ZEB2: variants seen among roughly 807,000 people sequenced by gnomAD.
ZEB2 encodes zinc finger E-box-binding homeobox 2.
Under a neutral mutation model 99.9 loss-of-function variants are expected in ZEB2, and 6 were observed. The observed-to-expected ratio is 0.06, with a 90% CI of 0.03 to 0.12. The LOEUF (loss-of-function observed/expected upper bound fraction) is 0.12. Ranked by LOEUF, ZEB2 falls within the 10% of genes least tolerant of loss-of-function variation. The probability of loss-of-function intolerance (pLI) is 1.00; values close to 1 mark genes in which losing one functional copy is unlikely to be tolerated. For missense variants in ZEB2, 969 were observed against 1,502.8 expected (o/e 0.64, Z 5.87); for synonymous variants, 517 against 542.5 (o/e 0.95, Z 0.65).
intron 6 of ZEB2, 104 bp downstream of exon 6, chr2:144,403,812 A>G (rs749531244): frequency 4.1e-5 from 59 of 1,439,136 alleles, no homozygotes; most frequent in Non-Finnish European, 5.3e-5. Context: ...AAAGATCTGC[A>G]TCTTCAAAAT....
chr2:144,484,123 C>A (rs1255429934), intron 2 of ZEB2, among the ~76,000 whole-genome samples: 1 of 150,454 alleles, frequency 6.6e-6, no homozygotes, highest in African/African-American at 2.5e-5. Flanking sequence ...TCTTTCCATG[C>A]AGCTATGTGG....
intron 4 of ZEB2, among the ~76,000 whole-genome samples, chr2:144,410,425 A>G (rs1243813330): frequency 6.6e-6 from 1 of 152,224 alleles, no homozygotes; most frequent in African/African-American, 2.4e-5. Context: ...CAGACAGATA[A>G]TAATAAATAT....
intron 2 of ZEB2, chr2:144,515,939 G>A (rs1161072590): frequency 6.6e-6 from 1 of 152,044 alleles, no homozygotes; most frequent in Admixed American, 6.5e-5. Flanking sequence ...GGCAGGCCGG[G>A]GGCGCGCACA....
intron 2 of ZEB2, among the ~76,000 whole-genome samples, chr2:144,491,234 A>G (rs754495446): frequency 3.2e-4 from 48 of 152,280 alleles, no homozygotes; most frequent in Admixed American, 2.0e-3. Flanking sequence ...CCTTGGGTTT[A>G]CTTCAGAAGA....
chr2:144,445,528 A>G (rs1345772347), intron 2 of ZEB2, among the ~76,000 whole-genome samples: 1 of 152,132 alleles, frequency 6.6e-6, no homozygotes, highest in African/African-American at 2.4e-5. Flanking sequence ...AGCTGATTAC[A>G]GATACACATT....
At chr2:144,506,889 C>T (rs879477264) in intron 2 of ZEB2, among the ~76,000 whole-genome samples, 53 of 151,822 alleles carry the variant, frequency 3.5e-4, no homozygotes, top group African/African-American at 1.2e-3. Context: ...CTATGGGCAA[C>T]GTAACTATTA....
At chr2:144,431,830 T>C (rs1366585204) in intron 2 of ZEB2, among the ~76,000 whole-genome samples, 1 of 120,910 alleles carries the variant, frequency 8.3e-6, no homozygotes. Context: ...ATGCTGGGGG[T>C]AGGGGGGAGT....
At chr2:144,396,782 A>G (rs1435141026) in intron 8 of ZEB2, among the ~76,000 whole-genome samples, 190 bp from the exon 9 acceptor site, 1 of 152,210 alleles carries the variant, frequency 6.6e-6, no homozygotes, top group African/African-American at 2.4e-5. Context: ...CGCAACAAAA[A>G]TATAAACTTC....
At chr2:144,457,899 T>C (rs962354210) in intron 2 of ZEB2, among the ~76,000 whole-genome samples, 5 of 152,148 alleles carry the variant, frequency 3.3e-5, no homozygotes, top group African/African-American at 1.2e-4. Flanking sequence ...CCTGTCCCAA[T>C]TAATGTTTCT....
At chr2:144,391,325 T>C (rs1186936233) in intron 9 of ZEB2, among the ~76,000 whole-genome samples, 1 of 152,228 alleles carries the variant, frequency 6.6e-6, no homozygotes, top group Non-Finnish European at 1.5e-5. Flanking sequence ...TGATGATAAA[T>C]GTAGTAAGGT....
chr2:144,440,524 T>A (rs1386971721), intron 2 of ZEB2, among the ~76,000 whole-genome samples: 1,053 of 11,204 alleles, frequency 0.094, 19 homozygotes, highest in African/African-American at 0.14. Context: ...TATTTTTTTT[T>A]TTTTTTTTTT....
At chr2:144,446,768 A>G (rs1290793804) in intron 2 of ZEB2, among the ~76,000 whole-genome samples, 2 of 152,134 alleles carry the variant, frequency 1.3e-5, no homozygotes, top group Non-Finnish European at 2.9e-5. Context: ...TAATCCCAGC[A>G]CTTTGGGAGG....
At chr2:144,444,109 C>CT (rs1289454296) in intron 2 of ZEB2, among the ~76,000 whole-genome samples, 1 of 152,206 alleles carries the variant, frequency 6.6e-6, no homozygotes. Flanking sequence ...TCTTTGCACT[C>CT]TAACATTCTG....
At chr2:144,512,215 T>A in intron 2 of ZEB2, 1 of 1,287,234 alleles carries the variant, frequency 7.8e-7, no homozygotes. Context: ...CACAAAATAG[T>A]GTCTACCTTG....
At chr2:144,511,038 C>T (rs1347740398) in intron 2 of ZEB2, among the ~76,000 whole-genome samples, 1 of 152,124 alleles carries the variant, frequency 6.6e-6, no homozygotes, top group Non-Finnish European at 1.5e-5. Context: ...CAGTTTTTTT[C>T]CCCTCTCTAA....
At position 144,387,814 on chromosome 2, in the gene ZEB2, G is replaced by C. The variant is rs886054892; in HGVS notation, c.*1637C>G. 6.6e-6 allele frequency: 1 copy of C among 152,070 alleles called. No homozygotes were observed. The highest frequency in any genetic ancestry group is 2.1e-4 in the South Asian group (1 of 4,826). 9.4% of individuals were successfully genotyped at this position (152,070 alleles called of 1,614,324 possible). A position where few individuals can be genotyped will look rare whatever the true frequency, so the allele number is the denominator to read the frequency against. Reference sequence around the variant, plus strand: ...ATAAAAATACACAATCTGGAATCAGGATCAGTTGAGAAAAGCTGTAAAATT... The same window carrying C: ...ATAAAAATACACAATCTGGAATCAGCATCAGTTGAGAAAAGCTGTAAAATT... On this transcript the variant is annotated 3_prime_UTR_variant, in exon 10 of 10. Transcript: ENST00000627532.
intron 2 of ZEB2, among the ~76,000 whole-genome samples, chr2:144,486,978 G>A (rs535270887): frequency 6.6e-5 from 10 of 152,162 alleles, no homozygotes; most frequent in Admixed American, 1.3e-4. Context: ...TAAATGTTAG[G>A]AAGCTCAAAC....
chr2:144,497,120 C>T (rs1704773181), intron 2 of ZEB2, among the ~76,000 whole-genome samples: 1 of 152,100 alleles, frequency 6.6e-6, no homozygotes, highest in South Asian at 2.1e-4. Context: ...CGTGCTGTGC[C>T]CTCACTTGCT....
intron 2 of ZEB2, chr2:144,497,800 G>T (rs1333330071): frequency 6.7e-6 from 1 of 148,848 alleles, no homozygotes; most frequent in Admixed American, 8.9e-5. Flanking sequence ...GGTGGAGGGA[G>T]CTTGTATAAA....
Sources: gnomAD v4.1 joint callset for allele counts (sites outside exome capture counted in the v4.1 genomes callset) on GRCh38, gnomAD v4.1.1 for gene constraint, MANE v1.5 for transcripts, NCBI Gene and HGNC (gene_info 2026-07-23, HGNC 2026-07-21) for gene names.